TACC2: variants seen among roughly 807,000 people sequenced by gnomAD.
TACC2 encodes transforming acidic coiled-coil-containing protein 2.
TACC2 carries 137 observed loss-of-function variants against 227.3 expected under a neutral mutation model. The ratio of observed to expected loss-of-function variants is 0.60; its 90% CI spans 0.52 to 0.69. The LOEUF (loss-of-function observed/expected upper bound fraction) is 0.69. TACC2 is among the 30% of genes least tolerant of loss of function. TACC2 has a pLI of 0.00. For missense variants in TACC2, 3,470 were observed against 3,694.4 expected, an observed-to-expected ratio of 0.94 and a Z score of 1.57; for synonymous variants, 1,523 against 1,487.5, an observed-to-expected ratio of 1.02 and a Z score of -0.55.
chr10:122,124,058 C>T (rs1194095735), intron 5 of TACC2, among the ~76,000 whole-genome samples: 9 of 152,152 alleles, frequency 5.9e-5, no homozygotes, highest in African/African-American at 1.4e-4. Context: ...GTGATCTGCC[C>T]GCCACGGCCT....
intron 2 of TACC2, among the ~76,000 whole-genome samples, chr10:122,028,732 T>C: frequency 7.0e-6 from 1 of 143,078 alleles, no homozygotes. Context: ...CCTTCCTTCC[T>C]TCCCCCTCCC....
chr10:122,175,768 A>T (rs1269971467), intron 7 of TACC2, among the ~76,000 whole-genome samples: 2 of 152,188 alleles, frequency 1.3e-5, no homozygotes, highest in Non-Finnish European at 2.9e-5. Flanking sequence ...TTATTGGTCA[A>T]AAATATTAGA....
At chr10:122,070,924 GA>G (rs552998858) in intron 3 of TACC2, among the ~76,000 whole-genome samples, 160 of 142,650 alleles carry the variant, frequency 1.1e-3, no homozygotes, top group Middle Eastern at 3.5e-3. Flanking sequence ...ACCCTGTCTG[GA>G]AAAAAAAAAA....
chr10:122,082,837 T>A lies in TACC2; in HGVS notation c.337T>A (p.Phe113Ile), dbSNP rs199673873. ...EREHPSSSMP[F>I]AECPPEGCLA... ...AGAGCACCCCTCGTCCTCCATGCCC[T>A]TTGCCGAGTGTCCCCCGGAAGGTTG... The change falls in exon 4 of 23, where the codon TTT (phenylalanine) becomes ATT (isoleucine). Residue 113 changes from phenylalanine to isoleucine, a missense_variant. Phe to Ile is a conservative substitution (Grantham distance 21). Coordinates refer to ENST00000369005, the MANE Select transcript of TACC2 (RefSeq NM_206862.4). The A allele has an allele frequency of 7.6e-5, 122 of 1,613,410 alleles. No individual in the cohort carries two copies. In the Middle Eastern group the frequency reaches 9.9e-4, roughly 13 times the overall value.
chr10:122,231,056 T>G (rs895763592), intron 16 of TACC2, among the ~76,000 whole-genome samples: 3 of 152,296 alleles, frequency 2.0e-5, no homozygotes, highest in African/African-American at 7.2e-5. Flanking sequence ...TTTGTCTGTT[T>G]GTTTGTTTGT....
At chr10:122,095,341 C>T (rs140925167) in intron 5 of TACC2, among the ~76,000 whole-genome samples, 3 of 152,324 alleles carry the variant, frequency 2.0e-5, no homozygotes, top group Admixed American at 6.5e-5. Flanking sequence ...CATCGCCTTG[C>T]GGGGCATTTG....
chr10:122,084,589 T>A lies in TACC2; in HGVS notation c.2089T>A (p.Cys697Ser), dbSNP rs1448976430. 1.9e-6 allele frequency: 3 copies of A among 1,613,848 alleles called. No individual in the cohort carries two copies. Among genetic ancestry groups the A allele is most frequent in the Non-Finnish European group, 2.5e-6 (3 of 1,180,032 alleles). Residue 697 changes from cysteine to serine, a missense_variant, in exon 4 of 23, where the codon TGT becomes AGT. By Grantham distance (112) the Cys-to-Ser change is moderately radical. Transcript: ENST00000369005. ...IWEGSGLQPK[C>S]PDTLQSREGL... is the part of the protein sequence containing the mutation. ...GGAGGGGTCAGGATTGCAGCCCAAA[T>A]GTCCTGACACCCTTCAGAGCAGGGA...
intron 7 of TACC2, among the ~76,000 whole-genome samples, chr10:122,171,987 G>A (rs911940031): frequency 1.3e-5 from 2 of 152,176 alleles, no homozygotes. Flanking sequence ...CAGCCCAAGT[G>A]GAAAATAGCT....
chr10:122,146,736 T>C (rs2091426500), intron 7 of TACC2, among the ~76,000 whole-genome samples: 1 of 152,214 alleles, frequency 6.6e-6, no homozygotes. Flanking sequence ...TATTCTGCTA[T>C]AAGCAACAGA....
rs542566966 is a variant in TACC2, at chr10:122,141,370, G to A, written c.5700-2202G>A. Among the ~76,000 whole-genome samples the A allele has an allele frequency of 2.0e-5, 3 of 152,208 alleles. No homozygotes were observed. Among genetic ancestry groups the A allele is most frequent in the Admixed American group, 2.0e-4 (3 of 15,292 alleles). On this transcript the variant is annotated intron_variant, in intron 6 of 22. Coordinates refer to ENST00000369005, the MANE Select transcript of TACC2 (RefSeq NM_206862.4). The surrounding 1 kb of genome is among the most constrained non-coding windows in gnomAD (Gnocchi z 4.3). Reference sequence around the variant, plus strand: ...GCGCCTTTCTTAAATGAGCTGTTGAGTCACACTTGTTTGATGCCTTTGGCT... The same window carrying A: ...GCGCCTTTCTTAAATGAGCTGTTGAATCACACTTGTTTGATGCCTTTGGCT...
intron 5 of TACC2, among the ~76,000 whole-genome samples, chr10:122,122,705 G>A (rs1033877569): frequency 7.2e-5 from 11 of 152,038 alleles, no homozygotes; most frequent in African/African-American, 2.4e-4. Context: ...TCTTGGACGC[G>A]GGTCCCAGTC....
chr10:122,113,077 C>T (rs559689265), intron 5 of TACC2: 1 of 152,392 alleles, frequency 6.6e-6, no homozygotes, highest in South Asian at 2.1e-4. Flanking sequence ...GCCGTTGTCC[C>T]GGGAAACTTT....
At chr10:122,225,789 C>G (rs2095615758) in intron 12 of TACC2, among the ~76,000 whole-genome samples, 1 of 152,154 alleles carries the variant, frequency 6.6e-6, no homozygotes, top group Non-Finnish European at 1.5e-5. Flanking sequence ...GCAGAGCCAC[C>G]CAGAGATTTC....
Position 122,210,866 on chromosome 10 carries a change from C to T in TACC2, c.6441C>T (p.Thr2147=), listed in dbSNP as rs1180009063. ...KKQTTKKPTE[T]PPVKETQQEP... ...AGACCACCAAGAAACCCACAGAGAC[C>T]CCCCCAGTGAAGGAGACGCAACAGG... The change falls in exon 9 of 23, where the codon ACC becomes ACT. Residue 2147 remains threonine (T), a synonymous_variant. Transcript: ENST00000369005. This position sits in a 1 kb window ranked among gnomAD's most constrained non-coding sequence, Gnocchi z 4.6. The T allele has an allele frequency of 1.9e-6, 3 of 1,613,436 alleles. No homozygotes were observed. The highest frequency in any genetic ancestry group is 1.1e-5 in the South Asian group (1 of 91,022).
At position 122,195,061 on chromosome 10, in the gene TACC2, A is replaced by G; in HGVS notation, c.5856A>G (p.Ala1952=). The change falls in exon 8 of 23, where the codon GCA becomes GCG. Residue 1952 remains alanine, a synonymous_variant. Coordinates refer to ENST00000369005, the MANE Select transcript of TACC2 (RefSeq NM_206862.4). The part of the protein sequence containing the change: ...DLSRSSDSEE[A]FETPESTTPV... Reference sequence around the variant, plus strand: ...TCAGGAGTTCCGATTCTGAAGAGGCATTTGAGACCCCGGAGTCAACGACCC... The same window carrying G: ...TCAGGAGTTCCGATTCTGAAGAGGCGTTTGAGACCCCGGAGTCAACGACCC... The G allele has an allele frequency of 6.2e-7, 1 of 1,613,368 alleles. No individual in the cohort carries two copies. Among genetic ancestry groups the G allele is most frequent in the Non-Finnish European group, 8.5e-7 (1 of 1,179,570 alleles).
intron 3 of TACC2, among the ~76,000 whole-genome samples, chr10:122,076,635 C>G (rs2078842847): frequency 6.6e-6 from 1 of 151,812 alleles, no homozygotes; most frequent in Non-Finnish European, 1.5e-5. Flanking sequence ...CATGCCCTGA[C>G]ACATTAGACC....
At chr10:122,120,924 C>T (rs2085646377) in intron 5 of TACC2, among the ~76,000 whole-genome samples, 3 of 152,122 alleles carry the variant, frequency 2.0e-5, no homozygotes, top group Admixed American at 2.0e-4. Context: ...GCCACCATGC[C>T]CAGCTAATTT....
intron 2 of TACC2, among the ~76,000 whole-genome samples, chr10:122,049,837 A>G (rs1198613746): frequency 6.6e-6 from 1 of 152,070 alleles, no homozygotes; most frequent in African/African-American, 2.4e-5. Flanking sequence ...CTGTAGGAAT[A>G]TGGTTTATAA....
intron 22 of TACC2, among the ~76,000 whole-genome samples, chr10:122,250,388 C>T (rs934381308): frequency 6.6e-6 from 1 of 152,212 alleles, no homozygotes; most frequent in Non-Finnish European, 1.5e-5. Context: ...CGTAGTCATC[C>T]ACGAGCCCAG....
Sources: allele counts gnomAD v4.1 joint callset (sites outside exome capture counted in the v4.1 genomes callset), GRCh38; gene constraint gnomAD v4.1.1; non-coding constraint Gnocchi (gnomAD v3.1); transcripts MANE v1.5; gene names NCBI Gene and HGNC (gene_info 2026-07-23, HGNC 2026-07-21).